The following KCNQ5 variants were observed in gnomAD, a reference collection of about 807,000 sequenced individuals.
KCNQ5 encodes potassium voltage-gated channel subfamily KQT member 5.
In KCNQ5, 30 loss-of-function variants were observed where a neutral mutation model predicts 98.2. That is an observed-to-expected ratio of 0.31 (90% CI 0.23 to 0.41). The LOEUF is 0.41. Ranked by LOEUF, KCNQ5 falls within the 10% of genes least tolerant of loss-of-function variation. The probability of loss-of-function intolerance (pLI) is 1.00; values close to 1 mark genes in which losing one functional copy is unlikely to be tolerated. For synonymous variants in KCNQ5, 458 were observed against 449.4 expected (o/e 1.02, Z -0.24); for missense variants, 835 against 1,182.5 (o/e 0.71, Z 4.31).
At chr6:73,058,985 C>T (rs564612164) in intron 3 of KCNQ5, among the ~76,000 whole-genome samples, 36 of 152,256 alleles carry the variant, frequency 2.4e-4, no homozygotes, top group African/African-American at 7.9e-4. Context: ...TTAGTTCAGC[C>T]GGTGTGGAAA....
intron 1 of KCNQ5, among the ~76,000 whole-genome samples, chr6:72,674,364 G>A (rs1309201584): frequency 6.6e-6 from 1 of 152,020 alleles, no homozygotes; most frequent in African/African-American, 2.4e-5. Context: ...TGTGTACAGT[G>A]CACATTGCTC....
rs558894572 is a variant in KCNQ5, at chr6:72,650,909, G to A, written c.398+28322G>A. Among the ~76,000 whole-genome samples the A allele has an allele frequency of 3.3e-5, 5 of 152,170 alleles. No homozygotes were observed. In the South Asian group the frequency reaches 8.3e-4, roughly 25 times the overall value. ...GTAACTAATCCATGGAGGAGAGGAT[G>A]GTCAGAGGGGGTCGTGTTTAAATTG... is the stretch of plus-strand genomic sequence containing the variant. On this transcript the variant is annotated intron_variant, in intron 1 of 13. Transcript: ENST00000370398.
At chr6:73,050,124 A>C (rs1030960411) in intron 3 of KCNQ5, among the ~76,000 whole-genome samples, 31 of 152,172 alleles carry the variant, frequency 2.0e-4, no homozygotes, top group Admixed American at 1.4e-3. Flanking sequence ...GGCTGATAGG[A>C]GAAGGTAACT....
At chr6:73,150,166 A>G (rs192091542) in intron 10 of KCNQ5, among the ~76,000 whole-genome samples, 2 of 152,132 alleles carry the variant, frequency 1.3e-5, no homozygotes, top group African/African-American at 4.8e-5. Flanking sequence ...AGATATCACT[A>G]CACACCTGCC....
At chr6:72,705,210 C>T (rs1187906535) in intron 1 of KCNQ5, among the ~76,000 whole-genome samples, 1 of 152,162 alleles carries the variant, frequency 6.6e-6, no homozygotes, top group Non-Finnish European at 1.5e-5. Flanking sequence ...TGCTTATTCA[C>T]TTCAGTCTAT....
chr6:72,751,124 G>A (rs542502563), intron 1 of KCNQ5, among the ~76,000 whole-genome samples: 20 of 152,144 alleles, frequency 1.3e-4, no homozygotes, highest in African/African-American at 4.3e-4. Flanking sequence ...CCAGAGTGCT[G>A]GTAGGGAGGG....
chr6:72,817,755 G>A (rs543047545), intron 1 of KCNQ5, among the ~76,000 whole-genome samples: 42 of 152,122 alleles, frequency 2.8e-4, no homozygotes, highest in African/African-American at 7.5e-4. Flanking sequence ...TTAGGTGGGC[G>A]TGGTGGCGCG....
chr6:73,057,530 A>G (rs932393290), intron 3 of KCNQ5, among the ~76,000 whole-genome samples: 1 of 152,118 alleles, frequency 6.6e-6, no homozygotes, highest in Non-Finnish European at 1.5e-5. Flanking sequence ...AAATACATAG[A>G]AATACAGCTA....
chr6:73,065,780 T>C (rs1773023225), intron 3 of KCNQ5, among the ~76,000 whole-genome samples: 1 of 152,254 alleles, frequency 6.6e-6, no homozygotes, highest in Admixed American at 6.5e-5. Context: ...TTTCCTTAGA[T>C]ATGATCACGG....
intron 5 of KCNQ5, among the ~76,000 whole-genome samples, chr6:73,079,496 G>A (rs903663593): frequency 6.6e-6 from 1 of 152,116 alleles, no homozygotes; most frequent in Non-Finnish European, 1.5e-5. Context: ...TCAGAGAGGG[G>A]GAAAATTTGT....
intron 1 of KCNQ5, among the ~76,000 whole-genome samples, chr6:72,697,527 T>C (rs1365405724): frequency 6.6e-5 from 10 of 152,126 alleles, no homozygotes; most frequent in Non-Finnish European, 1.2e-4. Context: ...AAACAAACTG[T>C]AATCCAAGAT....
chr6:73,063,697 TAGATAGATAGATAGATAGATAGATGATA>T (rs1772906623), intron 3 of KCNQ5, among the ~76,000 whole-genome samples: 2 of 117,064 alleles, frequency 1.7e-5, no homozygotes, highest in East Asian at 3.0e-4. Flanking sequence ...GATAGATAGA[TAGATAGATAGATAGATAGATAGATGATA>T]GATAGATAGA....
intron 9 of KCNQ5, among the ~76,000 whole-genome samples, chr6:73,128,531 G>A (rs111962055): frequency 2.0e-4 from 31 of 152,296 alleles, no homozygotes; most frequent in South Asian, 2.1e-4. Context: ...TTATCAAATA[G>A]TAGTCAGTCA....
At chr6:73,063,025 A>G (rs145882608) in intron 3 of KCNQ5, among the ~76,000 whole-genome samples, 2,965 of 152,280 alleles carry the variant, frequency 0.019, 33 homozygotes, top group Non-Finnish European at 0.03. Flanking sequence ...CAAAATGTGC[A>G]CATCTGAAAC....
chr6:72,664,646 A>T (rs2154473053), intron 1 of KCNQ5, among the ~76,000 whole-genome samples: 1 of 147,606 alleles, frequency 6.8e-6, no homozygotes, highest in African/African-American at 2.6e-5. Context: ...ACAGAGCAAG[A>T]CTCTGTCTCA....
At chr6:73,164,868 A>G (rs1562215302) in intron 10 of KCNQ5, among the ~76,000 whole-genome samples, 1 of 152,156 alleles carries the variant, frequency 6.6e-6, no homozygotes, top group Non-Finnish European at 1.5e-5. Flanking sequence ...CTGAGATATG[A>G]GAAGAGACTA....
intron 2 of KCNQ5, among the ~76,000 whole-genome samples, chr6:73,014,714 A>G (rs1361039441): frequency 1.3e-5 from 2 of 152,126 alleles, no homozygotes; most frequent in African/African-American, 2.4e-5. Context: ...AAGAAAATCT[A>G]TAGGGAATTC....
At position 73,153,350 on chromosome 6, in the gene KCNQ5, A is replaced by G. The variant is rs546432438; in HGVS notation, c.1469-16396A>G. Reference sequence around the variant, plus strand: ...TCTTTTTTTAAAGTATTTCATCACTATAGTTTTAGTGGGTTTTTCAAAATG... The same window carrying G: ...TCTTTTTTTAAAGTATTTCATCACTGTAGTTTTAGTGGGTTTTTCAAAATG... On this transcript the variant is annotated intron_variant, in intron 10 of 13. Transcript: ENST00000370398. 2.6e-5 allele frequency among the ~76,000 whole-genome samples: 4 copies of G among 151,800 alleles called. No individual in the cohort carries two copies. The East Asian group carries it at 5.8e-4, about 22-fold the overall frequency.
chr6:73,146,766 A>G (rs1375327244), intron 10 of KCNQ5, among the ~76,000 whole-genome samples: 1 of 151,928 alleles, frequency 6.6e-6, no homozygotes, highest in African/African-American at 2.4e-5. Context: ...AATGTGATTG[A>G]CCACTTGGCT....
Sources: gnomAD v4.1 joint callset for allele counts (sites outside exome capture counted in the v4.1 genomes callset) on GRCh38, gnomAD v4.1.1 for gene constraint, MANE v1.5 for transcripts, NCBI Gene and HGNC (gene_info 2026-07-23, HGNC 2026-07-21) for gene names.